MID1: variants seen among roughly 807,000 people sequenced by gnomAD.
The protein encoded by MID1 is midline 1.
MID1 carries 7 observed loss-of-function variants against 40.4 expected under a neutral mutation model. The ratio of observed to expected loss-of-function variants is 0.17; its 90% CI spans 0.10 to 0.33. The LOEUF (loss-of-function observed/expected upper bound fraction) is 0.33, where lower values mean the gene tolerates loss of function less well. Among genes scored for constraint, MID1 ranks in the 10% least tolerant of loss-of-function variants. MID1 has a pLI of 1.00. For synonymous variants in MID1, 229 were observed against 221.2 expected (o/e 1.04, Z -0.31); for missense variants, 367 against 558.5 (o/e 0.66, Z 3.46).
chrX:10,455,488 G>A (rs989806877), intron 8 of MID1, among the ~76,000 whole-genome samples: 2 of 111,318 alleles, frequency 1.8e-5, no homozygotes, highest in African/African-American at 6.5e-5. Context: ...CTAGCTTCAC[G>A]GATTCCAGGT....
intron 1 of MID1, among the ~76,000 whole-genome samples, chrX:10,581,509 T>G (rs958213288): frequency 9.0e-6 from 1 of 111,648 alleles, no homozygotes; most frequent in Admixed American, 9.5e-5. Flanking sequence ...AAATTCTCAC[T>G]CTTATGGAAG....
intron 3 of MID1, among the ~76,000 whole-genome samples, chrX:10,502,938 T>C (rs1456153497): frequency 8.9e-6 from 1 of 112,112 alleles, no homozygotes; most frequent in Admixed American, 9.5e-5. Context: ...CTACATAATG[T>C]GGCATAACCA....
chrX:10,521,458 T>C (rs1932703983), intron 3 of MID1, among the ~76,000 whole-genome samples: 2 of 111,480 alleles, frequency 1.8e-5, no homozygotes, highest in Non-Finnish European at 3.8e-5. Flanking sequence ...AGAAGCATTC[T>C]GACAAATAGA....
At chrX:10,553,265 A>T (rs974936608) in intron 2 of MID1, among the ~76,000 whole-genome samples, 2 of 87,685 alleles carry the variant, frequency 2.3e-5, no homozygotes, top group African/African-American at 1.5e-4. Context: ...AAAAAGAAAT[A>T]AAAAAAATAT....
intron 3 of MID1, chrX:10,501,387 C>T: frequency 8.7e-7 from 1 of 1,149,164 alleles, no homozygotes; most frequent in Non-Finnish European, 1.2e-6. Flanking sequence ...TTTGACCTCA[C>T]CCATCTGCTC....
chrX:10,787,255 T>C (rs1412393540), intron 1 of MID1, among the ~76,000 whole-genome samples: 2 of 110,813 alleles, frequency 1.8e-5, no homozygotes, highest in Non-Finnish European at 3.8e-5. Context: ...AACAAATGTA[T>C]GTTAAAGCAT....
At chrX:10,708,393 G>T (rs2043245219) in intron 1 of MID1, among the ~76,000 whole-genome samples, 1 of 111,626 alleles carries the variant, frequency 9.0e-6, no homozygotes, top group South Asian at 3.7e-4. Flanking sequence ...AGCAGTCAGG[G>T]TGCATTCTGC....
intron 1 of MID1, among the ~76,000 whole-genome samples, chrX:10,644,542 G>A (rs1167369956): frequency 9.0e-6 from 1 of 110,676 alleles, no homozygotes; most frequent in African/African-American, 3.3e-5. Flanking sequence ...GATCATTACA[G>A]GTATTAGTTT....
chrX:10,744,009 C>G (rs2043543222), intron 1 of MID1, among the ~76,000 whole-genome samples: 1 of 111,109 alleles, frequency 9.0e-6, no homozygotes, highest in African/African-American at 3.3e-5. Context: ...AAATTTGCCC[C>G]CTAGGTTAGA....
intron 1 of MID1, among the ~76,000 whole-genome samples, chrX:10,803,994 G>C (rs2044027319): frequency 1.8e-5 from 2 of 110,869 alleles, no homozygotes; most frequent in South Asian, 7.6e-4. Context: ...CATTTGGGAA[G>C]TTTCTATTGG....
chrX:10,748,107 T>C lies in MID1; in HGVS notation c.-187+85447A>G, dbSNP rs762127380. On this transcript the variant is annotated intron_variant, in intron 1 of 10. Coordinates refer to the MID1 transcript ENST00000380785. Reference sequence around the variant, plus strand: ...TATAGTCTTTCTGTCCTGGGACTAATATATTTTTGTTGACAACTGGCTCCA... The same window carrying C: ...TATAGTCTTTCTGTCCTGGGACTAACATATTTTTGTTGACAACTGGCTCCA... Among the ~76,000 whole-genome samples the C allele has an allele frequency of 6.3e-5, 7 of 111,268 alleles. No individual in the cohort carries two copies. In the South Asian group the frequency reaches 2.7e-3, roughly 43 times the overall value.
chrX:10,793,580 T>G, intron 1 of MID1, among the ~76,000 whole-genome samples: 1 of 112,171 alleles, frequency 8.9e-6, no homozygotes, highest in Non-Finnish European at 1.9e-5. Flanking sequence ...CAGAGAGATC[T>G]ATTTAAAACT....
intron 3 of MID1, among the ~76,000 whole-genome samples, chrX:10,513,769 A>G (rs1482631104): frequency 8.9e-6 from 1 of 112,302 alleles, no homozygotes; most frequent in East Asian, 2.8e-4. Flanking sequence ...TTGGCCTCCC[A>G]AAGTGCTGGG....
At chrX:10,692,507 C>T (rs1321697798) in intron 1 of MID1, among the ~76,000 whole-genome samples, 1 of 110,779 alleles carries the variant, frequency 9.0e-6, no homozygotes, top group African/African-American at 3.3e-5. Flanking sequence ...ATCCCAGCTA[C>T]TTGGGAGACT....
At chrX:10,814,702 C>T (rs755413300) in intron 1 of MID1, among the ~76,000 whole-genome samples, 15 of 110,855 alleles carry the variant, frequency 1.4e-4, no homozygotes, top group Non-Finnish European at 2.8e-4. Flanking sequence ...CCACCTCCCT[C>T]CTGCCCCCCT....
At chrX:10,563,484 A>G (rs1386065882) in intron 2 of MID1, among the ~76,000 whole-genome samples, 8 of 112,199 alleles carry the variant, frequency 7.1e-5, no homozygotes, top group Admixed American at 5.7e-4. Flanking sequence ...TGCATTAATT[A>G]TATTAAATTC....
intron 1 of MID1, among the ~76,000 whole-genome samples, chrX:10,782,976 C>T (rs1326306119): frequency 8.9e-6 from 1 of 111,893 alleles, no homozygotes; most frequent in African/African-American, 3.2e-5. Context: ...TCTCCAGGTG[C>T]ATGCTAAAGT....
chrX:10,803,101 T>C (rs745862732), intron 1 of MID1, among the ~76,000 whole-genome samples: 1 of 110,839 alleles, frequency 9.0e-6, no homozygotes, highest in African/African-American at 3.3e-5. Context: ...AATGATGGGA[T>C]CATTTGTACC....
intron 1 of MID1, among the ~76,000 whole-genome samples, chrX:10,788,313 C>A (rs1394446416): frequency 8.9e-6 from 1 of 111,850 alleles, no homozygotes; most frequent in Admixed American, 9.5e-5. Flanking sequence ...AGAGTAATCA[C>A]CAGTGAGAGA....
Sources: allele counts gnomAD v4.1 joint callset (sites outside exome capture counted in the v4.1 genomes callset), GRCh38; gene constraint gnomAD v4.1.1; transcripts MANE v1.5; gene names NCBI Gene and HGNC (gene_info 2026-07-23, HGNC 2026-07-21).